Variants in PTPRG observed in about 807,000 individuals in gnomAD.
PTPRG encodes the protein protein tyrosine phosphatase receptor type G.
In PTPRG, 102 loss-of-function variants were observed where a neutral mutation model predicts 165.3. That is an observed-to-expected ratio of 0.62 (90% CI 0.53 to 0.73). The LOEUF is 0.73. PTPRG is among the 30% of genes least tolerant of loss of function. The pLI is 0.00. For synonymous variants in PTPRG, 675 were observed against 669.5 expected, an observed-to-expected ratio of 1.01 and a Z score of -0.13; for missense variants, 1,866 against 1,861.4, an observed-to-expected ratio of 1.00 and a Z score of -0.05.
At chr3:62,266,528 G>A (rs1416062798) in intron 17 of PTPRG, among the ~76,000 whole-genome samples, 1 of 151,942 alleles carries the variant, frequency 6.6e-6, no homozygotes. Flanking sequence ...AGCAACACCT[G>A]TTTCATGTCA....
Position 62,203,702 on chromosome 3 carries a change from G to T in PTPRG, c.1907G>T (p.Gly636Val). ...TPSSPNRTAE[G>V]GHQTIPGHEQ... ...TCGTCTCCTAACAGGACTGCCGAGG[G>T]AGGGCATCAGACTATACCTGGGCAT... The change falls in exon 12 of 30, where the codon GGA (glycine) becomes GTA (valine). Residue 636 changes from glycine to valine, a missense_variant. Physicochemically the swap from Gly to Val is moderately radical, Grantham distance 109 (BLOSUM62 -3). Transcript: ENST00000474889. This position sits in a 1 kb window ranked among gnomAD's most constrained non-coding sequence, Gnocchi z 6.4. The T allele has an allele frequency of 6.3e-7, 1 of 1,579,842 alleles. No homozygotes were observed. Among genetic ancestry groups the T allele is most frequent in the Non-Finnish European group, 8.6e-7 (1 of 1,162,240 alleles).
intron 2 of PTPRG, among the ~76,000 whole-genome samples, chr3:61,806,458 C>G (rs1182206781): frequency 6.6e-6 from 1 of 152,112 alleles, no homozygotes; most frequent in Non-Finnish European, 1.5e-5. Flanking sequence ...CATGCCCTGT[C>G]GGGTCTGTGG....
Position 61,635,436 on chromosome 3 carries a change from A to G in PTPRG, c.85+73064A>G, listed in dbSNP as rs868429600. Reference sequence around the variant, plus strand: ...CAGCGGCATGATCTCAGCTCACTGCAACCTTGGCCTCCCAGGTTCAAGTGA... The same window carrying G: ...CAGCGGCATGATCTCAGCTCACTGCGACCTTGGCCTCCCAGGTTCAAGTGA... On this transcript the variant is annotated intron_variant, in intron 1 of 29. Transcript: ENST00000474889. 2.6e-5 allele frequency among the ~76,000 whole-genome samples: 4 copies of G among 151,546 alleles called. No individual in the cohort carries two copies. In the South Asian group the frequency reaches 8.3e-4, roughly 32 times the overall value.
intron 2 of PTPRG, among the ~76,000 whole-genome samples, chr3:61,929,036 C>G (rs2039295744): frequency 6.6e-6 from 1 of 152,088 alleles, no homozygotes; most frequent in Non-Finnish European, 1.5e-5. Context: ...CAAGGACAAC[C>G]CCCACAGCAA....
At chr3:62,185,243 G>C (rs1705830379) in intron 8 of PTPRG, among the ~76,000 whole-genome samples, 1 of 152,174 alleles carries the variant, frequency 6.6e-6, no homozygotes, top group South Asian at 2.1e-4. Context: ...ACCCCAGTGG[G>C]AACATAATCA....
intron 15 of PTPRG, among the ~76,000 whole-genome samples, chr3:62,248,564 T>C (rs1701341762): frequency 6.6e-6 from 1 of 152,188 alleles, no homozygotes; most frequent in Non-Finnish European, 1.5e-5. Flanking sequence ...AGGAATATTC[T>C]TTTGAAAAAA....
At chr3:61,954,902 G>A (rs776504113) in intron 2 of PTPRG, among the ~76,000 whole-genome samples, 2 of 152,212 alleles carry the variant, frequency 1.3e-5, no homozygotes, top group Non-Finnish European at 2.9e-5. Context: ...GTGATTGCAT[G>A]CATGTGAGTT....
intron 1 of PTPRG, among the ~76,000 whole-genome samples, chr3:61,711,960 C>T: frequency 7.2e-6 from 1 of 138,188 alleles, no homozygotes; most frequent in East Asian, 2.3e-4. Context: ...ATGGTGTGAT[C>T]TCGGCTCACT....
intron 2 of PTPRG, among the ~76,000 whole-genome samples, chr3:61,940,453 A>G (rs73842152): frequency 8.6e-4 from 131 of 152,246 alleles, no homozygotes; most frequent in African/African-American, 3.1e-3. Context: ...CAGTGAGGAT[A>G]CTCTGAAGGA....
intron 3 of PTPRG, among the ~76,000 whole-genome samples, chr3:61,995,175 G>A (rs577704700): frequency 7.8e-5 from 11 of 141,126 alleles, no homozygotes; most frequent in South Asian, 2.3e-4. Context: ...TGCAACCTCC[G>A]TCTCCTAGGT....
At chr3:61,754,496 G>A (rs182168412) in intron 2 of PTPRG, among the ~76,000 whole-genome samples, 1 of 152,168 alleles carries the variant, frequency 6.6e-6, no homozygotes, top group African/African-American at 2.4e-5. Flanking sequence ...TTGAAGACAA[G>A]GATTATTGCT....
intron 5 of PTPRG, among the ~76,000 whole-genome samples, chr3:62,113,191 C>G (rs185963358): frequency 6.6e-6 from 1 of 152,288 alleles, no homozygotes; most frequent in Admixed American, 6.5e-5. Context: ...CTGACCCCAT[C>G]CAGCTCCACA....
chr3:61,732,300 G>A (rs1011079485), intron 1 of PTPRG, among the ~76,000 whole-genome samples: 6 of 152,032 alleles, frequency 3.9e-5, no homozygotes, highest in African/African-American at 1.4e-4. Context: ...TTAGCAGGCC[G>A]GGCGCAGTGG....
At chr3:61,996,033 C>T (rs2041033249) in intron 3 of PTPRG, among the ~76,000 whole-genome samples, 1 of 152,106 alleles carries the variant, frequency 6.6e-6, no homozygotes, top group South Asian at 2.1e-4. Context: ...TCACTCCTTG[C>T]TCCTAGCATT....
Position 62,061,632 on chromosome 3 carries a change from CTT to C in PTPRG, c.520-16517_520-16516del, listed in dbSNP as rs59972737. Reference sequence around the variant, plus strand: ...ATTACTTGGCTTTCTCTTTTCTTTTCTTTTTTTTTTTTTTTAGATGGAGTCTC... The same window carrying C: ...ATTACTTGGCTTTCTCTTTTCTTTTCTTTTTTTTTTTTTAGATGGAGTCTC... On this transcript the variant is annotated intron_variant, in intron 4 of 29. Coordinates refer to ENST00000474889, the MANE Select transcript of PTPRG (RefSeq NM_002841.4). Among the ~76,000 whole-genome samples the C allele has an allele frequency of 6.1e-3, 868 of 142,292 alleles. 3 individuals carry two copies. The highest frequency in any genetic ancestry group is 0.022 in the Middle Eastern group (6 of 274). 93.3% of individuals were successfully genotyped at this position (142,292 alleles called of 152,430 possible). A position where few individuals can be genotyped will look rare whatever the true frequency, so the allele number is the denominator to read the frequency against.
At chr3:61,869,865 T>C (rs2107437971) in intron 2 of PTPRG, among the ~76,000 whole-genome samples, 1 of 152,282 alleles carries the variant, frequency 6.6e-6, no homozygotes, top group Middle Eastern at 3.4e-3. Flanking sequence ...TCTCCCAAAC[T>C]GTTGGGATCA....
chr3:61,928,821 A>G (rs1430299284), intron 2 of PTPRG, among the ~76,000 whole-genome samples: 3 of 152,204 alleles, frequency 2.0e-5, no homozygotes, highest in Admixed American at 1.3e-4. Flanking sequence ...GTGACAGTCT[A>G]TAGATGTAAT....
At position 61,577,423 on chromosome 3, in the gene PTPRG, C is replaced by G. The variant is rs962263645; in HGVS notation, c.85+15051C>G. 5.3e-5 allele frequency among the ~76,000 whole-genome samples: 8 copies of G among 152,084 alleles called. No individual in the cohort carries two copies. The East Asian group carries it at 1.5e-3, about 29-fold the overall frequency. ...TATGGTAGCCACCAGCCACCTGTGG[C>G]TAGTAAACACTTCAAGTATGGCATG... On this transcript the variant is annotated intron_variant, in intron 1 of 29. Transcript: ENST00000474889.
intron 2 of PTPRG, among the ~76,000 whole-genome samples, chr3:61,784,134 G>A (rs1185429901): frequency 6.6e-6 from 1 of 152,186 alleles, no homozygotes; most frequent in Non-Finnish European, 1.5e-5. Context: ...CCTAAGAGCA[G>A]TGGGTGAGCC....
Sources: gnomAD v4.1 joint callset for allele counts (sites outside exome capture counted in the v4.1 genomes callset) on GRCh38, gnomAD v4.1.1 for gene constraint, Gnocchi (gnomAD v3.1) non-coding constraint, MANE v1.5 for transcripts, NCBI Gene and HGNC (gene_info 2026-07-23, HGNC 2026-07-21) for gene names.